Variants in TRA2B observed in about 807,000 individuals in gnomAD.
TRA2B encodes transformer-2 protein homolog beta.
TRA2B carries 14 observed loss-of-function variants against 41.7 expected under a neutral mutation model. That is an observed-to-expected ratio of 0.34 (90% confidence interval 0.22 to 0.53). TRA2B has a LOEUF of 0.53. Among genes scored for constraint, TRA2B ranks in the 20% least tolerant of loss-of-function variants. The pLI is 0.95. For missense variants in TRA2B, 167 were observed against 396.8 expected, an observed-to-expected ratio of 0.42 and a Z score of 4.92; for synonymous variants, 130 against 128.8, an observed-to-expected ratio of 1.01 and a Z score of -0.06.
In TRA2B at chr3:185,917,733, G is replaced by A. The variant is rs1224917055; in HGVS notation, c.857-8C>T. 6.2e-7 allele frequency: 1 copy of A among 1,612,432 alleles called. No individual in the cohort carries two copies. Among genetic ancestry groups the A allele is most frequent in the Non-Finnish European group, 8.5e-7 (1 of 1,178,748 alleles). ...TCATGCTTTAATAGCGACCTGGGAA[G>A]AAAAGAATGAACATGCTTTAATATT... On this transcript the variant is annotated splice_region_variant and splice_polypyrimidine_tract_variant and intron_variant, in intron 8 of 8. Coordinates refer to ENST00000453386, the MANE Select transcript of TRA2B (RefSeq NM_004593.3).
At position 185,923,759 on chromosome 3, in the gene TRA2B, G is replaced by GAACT. The variant is rs1219117461; in HGVS notation, c.522+33_522+36dup. The GAACT allele has an allele frequency of 3.8e-6, 6 of 1,567,632 alleles. No individual in the cohort carries two copies. In the African/African-American group the frequency reaches 8.2e-5, roughly 21 times the overall value. On this transcript the variant is annotated intron_variant, in intron 4 of 8. Coordinates refer to ENST00000453386, the MANE Select transcript of TRA2B (RefSeq NM_004593.3). The stretch of plus-strand genomic sequence containing the variant: ...CACTGATAACTTGGCGTTAACAATA[G>GAACT]AACTGATGGTTTACAAAGGAACGGG...
At chr3:185,928,728 A>G (rs539676330) in intron 1 of TRA2B, 1 of 152,382 alleles carries the variant, frequency 6.6e-6, no homozygotes, top group Non-Finnish European at 1.5e-5. Context: ...TCCAGAAGTG[A>G]AAGCAGAATA....
At chr3:185,934,339 G>A (rs752927752) in intron 1 of TRA2B, 8 of 985,162 alleles carry the variant, frequency 8.1e-6, no homozygotes, top group Non-Finnish European at 9.6e-6. Flanking sequence ...GAGAAAGGAG[G>A]AAAAAACGCT....
chr3:185,934,188 AAC>A (rs376813710), intron 1 of TRA2B, among the ~76,000 whole-genome samples: 6 of 152,232 alleles, frequency 3.9e-5, no homozygotes, highest in South Asian at 2.1e-4. Flanking sequence ...TTGTTAAAAA[AAC>A]AGTCGCATAT....
chr3:185,935,525 T>C (rs969099821), intron 1 of TRA2B: 17 of 984,988 alleles, frequency 1.7e-5, no homozygotes, highest in Non-Finnish European at 2.0e-5. Flanking sequence ...CTGGAAAAGG[T>C]GGGGCACAGA....
chr3:185,916,840 T>A lies in TRA2B; in HGVS notation c.*875A>T, dbSNP rs920857800. ...AAGCAAAGGACCTGAAAATAATATT[T>A]AAAAAATGAACAGGCAAAGTCTTCA... On this transcript the variant is annotated 3_prime_UTR_variant, in exon 9 of 9. Transcript: ENST00000453386. 1.3e-5 allele frequency: 2 copies of A among 152,520 alleles called. No individual in the cohort carries two copies. The highest frequency in any genetic ancestry group is 6.6e-5 in the Admixed American group (1 of 15,256). The allele number at this position is 152,520 out of a possible 1,614,324, so 9.4% of individuals were successfully genotyped here. A position where few individuals can be genotyped will look rare whatever the true frequency, so the allele number is the denominator to read the frequency against.
At chr3:185,924,367 C>T (rs931285616) in intron 3 of TRA2B, 1 of 170,304 alleles carries the variant, frequency 5.9e-6, no homozygotes, top group Non-Finnish European at 1.2e-5. Context: ...GACACACCTT[C>T]CATTCAATAG....
intron 3 of TRA2B, 95 bp from the exon 4 acceptor site, chr3:185,924,079 C>G (rs1743843680): frequency 9.4e-7 from 1 of 1,069,250 alleles, no homozygotes; most frequent in Non-Finnish European, 1.3e-6. Flanking sequence ...ATGTCACTAA[C>G]AAGAAAAGTA....
intron 1 of TRA2B, 137 bp downstream of exon 1, chr3:185,937,688 G>A (rs1744422691): frequency 8.0e-7 from 1 of 1,252,402 alleles, no homozygotes; most frequent in Non-Finnish European, 1.1e-6. Flanking sequence ...GTTAAATGCT[G>A]TCTCCCTTGC....
chr3:185,934,843 C>T lies in TRA2B; in HGVS notation c.36+2982G>A, dbSNP rs1385904271. 3 of 985,284 alleles carry T rather than the reference C, an allele frequency of 3.0e-6. No individual in the cohort carries two copies. The East Asian group carries it at 3.4e-4, about 112-fold the overall frequency. The allele number at this position is 985,284 out of a possible 1,614,324, so 61.0% of individuals were successfully genotyped here. On this transcript the variant is annotated intron_variant, in intron 1 of 8. Coordinates refer to ENST00000453386, the MANE Select transcript of TRA2B (RefSeq NM_004593.3). ...ATCTCTAATGATAAAGATTACGTGC[C>T]TATGTTGCAATCACATCGGCTTTAC...
At chr3:185,929,779 C>T (rs1744081435) in intron 1 of TRA2B, among the ~76,000 whole-genome samples, 1 of 152,164 alleles carries the variant, frequency 6.6e-6, no homozygotes, top group Non-Finnish European at 1.5e-5. Flanking sequence ...CACTGCATCT[C>T]TTAAAACACT....
rs1703986162 is a variant in TRA2B at position 185,917,227 on chromosome 3, TG to T, written c.*487del. 6.5e-6 allele frequency: 1 copy of T among 154,386 alleles called. No homozygotes were observed. Among genetic ancestry groups the T allele is most frequent in the African/African-American group, 2.4e-5 (1 of 41,506 alleles). The allele number at this position is 154,386 out of a possible 1,614,324, so 9.6% of individuals were successfully genotyped here. A position where few individuals can be genotyped will look rare whatever the true frequency, so the allele number is the denominator to read the frequency against. Reference sequence around the variant, plus strand: ...ACACTTAGTTGCAGGTATATAAGTATGGTATGTTTCATGGACTGGAGGAAAA... The same window carrying T: ...ACACTTAGTTGCAGGTATATAAGTATGTATGTTTCATGGACTGGAGGAAAA... On this transcript the variant is annotated 3_prime_UTR_variant, in exon 9 of 9. Coordinates refer to ENST00000453386, the MANE Select transcript of TRA2B (RefSeq NM_004593.3).
At chr3:185,935,675 A>G (rs1744322510) in intron 1 of TRA2B, 3 of 985,448 alleles carry the variant, frequency 3.0e-6, no homozygotes, top group Non-Finnish European at 2.4e-6. Flanking sequence ...GAGAAGCATC[A>G]TTTACACCAC....
intron 4 of TRA2B, chr3:185,922,629 C>T (rs1029203083): frequency 4.6e-5 from 7 of 152,436 alleles, no homozygotes; most frequent in African/African-American, 1.7e-4. Context: ...GATCCTATGA[C>T]TGAAACCTGA....
In TRA2B at chr3:185,925,891, G is replaced by A. The variant is rs1743930517; in HGVS notation, c.171-265C>T. On this transcript the variant is annotated intron_variant, in intron 2 of 8. Transcript: ENST00000453386. ...TATCTTTTACAAATCAAGGCACGCA[G>A]CATTTTACTAGCTTGGCTTGTGCCC... 2.6e-5 allele frequency among the ~76,000 whole-genome samples: 4 copies of A among 152,294 alleles called. No homozygotes were observed. The South Asian group carries it at 6.2e-4, about 24-fold the overall frequency.
At chr3:185,930,144 A>T (rs1744095162) in intron 1 of TRA2B, among the ~76,000 whole-genome samples, 1 of 152,136 alleles carries the variant, frequency 6.6e-6, no homozygotes, top group Non-Finnish European at 1.5e-5. Context: ...TCATAACCAG[A>T]TTCCAAATTG....
chr3:185,936,908 C>T (rs1375336866), intron 1 of TRA2B: 2 of 985,334 alleles, frequency 2.0e-6, no homozygotes, highest in East Asian at 1.1e-4. Context: ...TCACTGAACA[C>T]CTTTAAGAGG....
At chr3:185,937,484 T>C (rs1025677233) in intron 1 of TRA2B, 51 of 1,076,930 alleles carry the variant, frequency 4.7e-5, no homozygotes, top group Non-Finnish European at 5.5e-5. Flanking sequence ...CGGCGGACCT[T>C]CGCAGGAGAG....
intron 1 of TRA2B, among the ~76,000 whole-genome samples, chr3:185,933,386 CAGA>C (rs1250562439): frequency 1.3e-5 from 2 of 152,022 alleles, no homozygotes; most frequent in East Asian, 3.8e-4. Flanking sequence ...TTTATAAAAC[CAGA>C]AGATCAACTC....
Sources: gnomAD v4.1 joint callset for allele counts (sites outside exome capture counted in the v4.1 genomes callset) on GRCh38, gnomAD v4.1.1 for gene constraint, MANE v1.5 for transcripts, NCBI Gene and HGNC (gene_info 2026-07-23, HGNC 2026-07-21) for gene names.